The following GNG7 variants were observed in gnomAD, a reference collection of about 807,000 sequenced individuals.
The protein encoded by GNG7 is guanine nucleotide-binding protein G(I)/G(S)/G(O) subunit gamma-7.
Under a neutral mutation model 4.0 loss-of-function variants are expected in GNG7, and 1 was observed. The observed-to-expected ratio is 0.25, with a 90% CI of 0.09 to 1.18. The LOEUF is 1.18. Among genes scored for constraint, GNG7 ranks in the 50% most tolerant of loss-of-function variants. GNG7 has a pLI of 0.50. For synonymous variants in GNG7, 34 were observed against 36.9 expected (o/e 0.92, Z 0.29); for missense variants, 86 against 91.9 (o/e 0.94, Z 0.26).
intron 2 of GNG7, among the ~76,000 whole-genome samples, chr19:2,605,414 G>A (rs781552940): frequency 6.6e-6 from 1 of 150,916 alleles, no homozygotes; most frequent in Non-Finnish European, 1.5e-5. Flanking sequence ...GGCCAAACAG[G>A]TCTCAAACTT....
chr19:2,675,413 C>G (rs961820924), intron 1 of GNG7, among the ~76,000 whole-genome samples: 2 of 152,210 alleles, frequency 1.3e-5, no homozygotes, highest in Non-Finnish European at 2.9e-5. Context: ...CACCAAAAAT[C>G]TGCAACCACG....
At chr19:2,572,574 G>A (rs1980180737) in intron 2 of GNG7, among the ~76,000 whole-genome samples, 1 of 151,118 alleles carries the variant, frequency 6.6e-6, no homozygotes, top group Admixed American at 6.6e-5. Flanking sequence ...TGGGACTACA[G>A]GTGTAAGCCA....
intron 1 of GNG7, among the ~76,000 whole-genome samples, chr19:2,693,995 T>C (rs1913189906): frequency 6.6e-6 from 1 of 152,106 alleles, no homozygotes; most frequent in Non-Finnish European, 1.5e-5. Flanking sequence ...TGAACGTTAA[T>C]AAATGTCTGT....
intron 2 of GNG7, among the ~76,000 whole-genome samples, chr19:2,581,446 G>A (rs1393733886): frequency 2.0e-5 from 3 of 152,112 alleles, no homozygotes; most frequent in Admixed American, 6.6e-5. Flanking sequence ...CCAAACCACA[G>A]GGGGGTGAGA....
At chr19:2,605,722 C>T (rs537905339) in intron 2 of GNG7, among the ~76,000 whole-genome samples, 2 of 150,720 alleles carry the variant, frequency 1.3e-5, no homozygotes, top group East Asian at 4.0e-4. Context: ...CCATGTTGGC[C>T]AGCATGGTCT....
intron 2 of GNG7, among the ~76,000 whole-genome samples, chr19:2,624,632 C>T (rs1333031781): frequency 6.6e-6 from 1 of 152,194 alleles, no homozygotes; most frequent in Non-Finnish European, 1.5e-5. Context: ...GCCGGTGGTG[C>T]CACAGCACAG....
At position 2,513,163 on chromosome 19, in the gene GNG7, C is replaced by T. The variant is rs893292819; in HGVS notation, c.*1859G>A. ...CACACCCGGAGCCCTCTAGCCTTGG[C>T]GAGGTGGGAACCCTGGCAGTCACCA... On this transcript the variant is annotated 3_prime_UTR_variant, in exon 5 of 5. Coordinates refer to ENST00000382159, the MANE Select transcript of GNG7 (RefSeq NM_052847.3). 7.1e-6 allele frequency: 7 copies of T among 979,510 alleles called. No individual in the cohort carries two copies. Among genetic ancestry groups the T allele is most frequent in the Non-Finnish European group, 8.5e-6 (7 of 824,666 alleles). 60.7% of individuals were successfully genotyped at this position (979,510 alleles called of 1,614,324 possible).
chr19:2,582,691 CAG>C, intron 2 of GNG7, among the ~76,000 whole-genome samples: 1 of 111,530 alleles, frequency 9.0e-6, no homozygotes. Context: ...TTTTTTGAGA[CAG>C]AGTCTCGCTC....
At chr19:2,578,739 AC>A (rs1980415297) in intron 2 of GNG7, among the ~76,000 whole-genome samples, 1 of 152,152 alleles carries the variant, frequency 6.6e-6, no homozygotes, top group African/African-American at 2.4e-5. Context: ...TCTGGTCTCC[AC>A]CCACTCCCTG....
intron 2 of GNG7, among the ~76,000 whole-genome samples, chr19:2,621,805 G>T (rs1455287388): frequency 1.3e-5 from 2 of 152,174 alleles, no homozygotes; most frequent in African/African-American, 4.8e-5. Context: ...AGCCAGGTTT[G>T]CCAGAGCCCC....
intron 2 of GNG7, among the ~76,000 whole-genome samples, chr19:2,637,580 C>T (rs1286984371): frequency 1.3e-5 from 2 of 152,158 alleles, no homozygotes; most frequent in South Asian, 2.1e-4. Flanking sequence ...AGGAAAAGCC[C>T]GCATCCCACG....
intron 2 of GNG7, among the ~76,000 whole-genome samples, chr19:2,585,530 C>A (rs978825066): frequency 1.3e-5 from 2 of 152,172 alleles, no homozygotes; most frequent in Admixed American, 6.6e-5. Flanking sequence ...CTTGCAACTT[C>A]TCCGTAAGTT....
rs1023849661 is a variant in GNG7 at position 2,646,450 on chromosome 19, G to A, written c.-134-170C>T. ...GGCCTGTAATCCCAGCACTTTGGGA[G>A]GCCAAGGCAGGTGGATCATGAGGTC... is the stretch of plus-strand genomic sequence containing the variant. On this transcript the variant is annotated intron_variant, in intron 1 of 4. Coordinates refer to ENST00000382159, the MANE Select transcript of GNG7 (RefSeq NM_052847.3). Among the ~76,000 whole-genome samples the A allele has an allele frequency of 2.0e-5, 3 of 152,192 alleles. No individual in the cohort carries two copies. In the East Asian group the frequency reaches 5.8e-4, roughly 29 times the overall value.
chr19:2,551,824 C>T (rs1979342583), intron 3 of GNG7, among the ~76,000 whole-genome samples: 1 of 152,014 alleles, frequency 6.6e-6, no homozygotes. Context: ...GCTGGGATTA[C>T]AGGCATGCGT....
At chr19:2,646,057 AC>A (rs1982657681) in intron 2 of GNG7, among the ~76,000 whole-genome samples, 166 bp downstream of exon 2, 1 of 152,156 alleles carries the variant, frequency 6.6e-6, no homozygotes, top group South Asian at 2.1e-4. Context: ...AGCAGCTGTT[AC>A]CCACACCTGC....
rs1436990239 is a variant in GNG7, at chr19:2,614,071, C to A, written c.-78+32153G>T. On this transcript the variant is annotated intron_variant, in intron 2 of 4. Coordinates refer to ENST00000382159, the MANE Select transcript of GNG7 (RefSeq NM_052847.3). This position sits in a 1 kb window ranked among gnomAD's most constrained non-coding sequence, Gnocchi z 6.0. ...CTACCCCCGGGGTAAAGGGGGCCAG[C>A]CTCGCACAGGTGGGTCCGTTGCAGG... Among the ~76,000 whole-genome samples the A allele has an allele frequency of 2.0e-5, 3 of 152,224 alleles. No individual in the cohort carries two copies. The highest frequency in any genetic ancestry group is 4.4e-5 in the Non-Finnish European group (3 of 68,036).
In GNG7 at chr19:2,659,201, C is replaced by A. The variant is rs964240806; in HGVS notation, c.-134-12921G>T. ...AGCCAGGATGGTCTCAATCTCCTGACCTCGTGATCCGCCCACCTTGGCCTC... is the reference window on the plus strand; with the variant it reads ...AGCCAGGATGGTCTCAATCTCCTGAACTCGTGATCCGCCCACCTTGGCCTC... On this transcript the variant is annotated intron_variant, in intron 1 of 4. Transcript: ENST00000382159. Among the ~76,000 whole-genome samples, 6 of 151,906 alleles carry A rather than the reference C, an allele frequency of 3.9e-5. No individual in the cohort carries two copies. In the East Asian group the frequency reaches 1.2e-3, roughly 30 times the overall value.
chr19:2,626,702 G>T lies in GNG7; in HGVS notation c.-78+19522C>A, dbSNP rs893020330. Among the ~76,000 whole-genome samples the T allele has an allele frequency of 6.6e-6, 1 of 152,184 alleles. No individual in the cohort carries two copies. The highest frequency in any genetic ancestry group is 2.4e-5 in the African/African-American group (1 of 41,434). On this transcript the variant is annotated intron_variant, in intron 2 of 4. Transcript: ENST00000382159. The surrounding 1 kb of genome is among the most constrained non-coding windows in gnomAD (Gnocchi z 5.0). ...TCACTCAATCAGGGTCTCAACTGGG[G>T]TAATTCTGTCCCCTCAGGGGACACT...
chr19:2,531,330 G>T (rs1393946295), intron 3 of GNG7, among the ~76,000 whole-genome samples: 1 of 119,934 alleles, frequency 8.3e-6, no homozygotes, highest in South Asian at 2.8e-4. Flanking sequence ...AAAAAAAAAG[G>T]AGTAAAGATC....
Sources: allele counts gnomAD v4.1 joint callset (sites outside exome capture counted in the v4.1 genomes callset), GRCh38; gene constraint gnomAD v4.1.1; non-coding constraint Gnocchi (gnomAD v3.1); transcripts MANE v1.5; gene names NCBI Gene and HGNC (gene_info 2026-07-23, HGNC 2026-07-21).